The following TMEFF2 variants were observed in gnomAD, a reference collection of about 807,000 sequenced individuals.
TMEFF2 encodes the protein transmembrane protein with EGF like and two follistatin like domains 2.
A neutral mutation model predicts 53.8 loss-of-function variants in TMEFF2; 28 were observed. That is an observed-to-expected ratio of 0.52 (90% confidence interval 0.39 to 0.71). The LOEUF (loss-of-function observed/expected upper bound fraction) is 0.71. Ranked by LOEUF, TMEFF2 falls within the 30% of genes least tolerant of loss-of-function variation. TMEFF2 has a pLI of 0.00. For missense variants in TMEFF2, 353 were observed against 455.2 expected (o/e 0.78, Z 2.04); for synonymous variants, 162 against 166.3 (o/e 0.97, Z 0.20).
At chr2:192,033,108 C>T (rs147519282) in intron 5 of TMEFF2, among the ~76,000 whole-genome samples, 2 of 152,268 alleles carry the variant, frequency 1.3e-5, no homozygotes, top group Non-Finnish European at 2.9e-5. Context: ...TGCTAACATG[C>T]ATGGCCTATT....
At chr2:191,974,708 T>C (rs1692749902) in intron 7 of TMEFF2, among the ~76,000 whole-genome samples, 1 of 152,178 alleles carries the variant, frequency 6.6e-6, no homozygotes. Context: ...TTTCCAGCCA[T>C]GTCTATAAAA....
chr2:192,160,754 A>C (rs1214918540), intron 4 of TMEFF2, among the ~76,000 whole-genome samples: 2 of 152,212 alleles, frequency 1.3e-5, no homozygotes, highest in Admixed American at 1.3e-4. Flanking sequence ...ATATAAGATA[A>C]ATGGAAAAGG....
At chr2:191,991,555 C>T (rs1370683199) in intron 7 of TMEFF2, among the ~76,000 whole-genome samples, 1 of 152,050 alleles carries the variant, frequency 6.6e-6, no homozygotes, top group Non-Finnish European at 1.5e-5. Context: ...GAAACCGAGC[C>T]TTCAACTAAT....
chr2:192,076,460 A>G (rs75775045), intron 4 of TMEFF2, among the ~76,000 whole-genome samples: 11,957 of 152,208 alleles, frequency 0.079, 816 homozygotes, highest in African/African-American at 0.18. Flanking sequence ...TTTTAATTCA[A>G]TGATATAAAC....
At position 191,950,125 on chromosome 2, in the gene TMEFF2, C is replaced by A; in HGVS notation, c.*186G>T. 1 of 1,349,826 alleles carries A rather than the reference C, an allele frequency of 7.4e-7. No homozygotes were observed. The highest frequency in any genetic ancestry group is 9.5e-7 in the Non-Finnish European group (1 of 1,050,980). 83.6% of individuals were successfully genotyped at this position (1,349,826 alleles called of 1,614,324 possible). On this transcript the variant is annotated 3_prime_UTR_variant, in exon 10 of 10. Coordinates refer to ENST00000272771, the MANE Select transcript of TMEFF2 (RefSeq NM_016192.4). ...TTACATTACAGAAAAAACATCAAGA[C>A]AATGTATACTATTTCAAATATATCC...
At chr2:191,957,549 C>T (rs181873167) in intron 7 of TMEFF2, among the ~76,000 whole-genome samples, 26 of 152,214 alleles carry the variant, frequency 1.7e-4, no homozygotes, top group African/African-American at 4.6e-4. Context: ...CTGGTATTAG[C>T]GAATCAGACA....
intron 7 of TMEFF2, among the ~76,000 whole-genome samples, chr2:191,975,147 G>C (rs1685683434): frequency 1.3e-5 from 2 of 149,868 alleles, no homozygotes; most frequent in African/African-American, 4.9e-5. Context: ...AAATATATAG[G>C]AAATATAAAA....
intron 4 of TMEFF2, among the ~76,000 whole-genome samples, chr2:192,102,369 C>T (rs1043011703): frequency 1.3e-4 from 20 of 152,108 alleles, no homozygotes; most frequent in African/African-American, 4.8e-4. Context: ...CAGAATAAAA[C>T]ACAAAGTCTT....
intron 9 of TMEFF2, 118 bp from the exon 10 acceptor site, chr2:191,950,525 A>C: frequency 7.3e-7 from 1 of 1,371,308 alleles, no homozygotes; most frequent in Non-Finnish European, 1.0e-6. Flanking sequence ...AGATGAAAGA[A>C]TTTATCATTA....
chr2:192,184,700 A>G (rs1691269714), intron 2 of TMEFF2, among the ~76,000 whole-genome samples: 1 of 152,142 alleles, frequency 6.6e-6, no homozygotes, highest in Non-Finnish European at 1.5e-5. Flanking sequence ...GGGCAAAAAT[A>G]AGCATCTAAA....
At chr2:192,046,871 T>A (rs1448356096) in intron 5 of TMEFF2, among the ~76,000 whole-genome samples, 1 of 152,014 alleles carries the variant, frequency 6.6e-6, no homozygotes, top group African/African-American at 2.4e-5. Flanking sequence ...TATATTTGAA[T>A]ATCCTAAGTT....
chr2:192,109,024 A>G (rs1357529210), intron 4 of TMEFF2, among the ~76,000 whole-genome samples: 1 of 152,072 alleles, frequency 6.6e-6, no homozygotes, highest in East Asian at 1.9e-4. Context: ...AAAGGTTACT[A>G]GTAGAAAGTT....
intron 7 of TMEFF2, among the ~76,000 whole-genome samples, chr2:191,964,358 TTCTTTCTTTCTTTC>T (rs1315126909): frequency 1.1e-3 from 112 of 104,296 alleles, no homozygotes; most frequent in South Asian, 6.9e-3. Flanking sequence ...CTTTCTTTCT[TTCTTTCTTTCTTTC>T]TCTTTCTTTC....
intron 4 of TMEFF2, among the ~76,000 whole-genome samples, chr2:192,080,373 G>A (rs141072867): frequency 8.7e-4 from 132 of 152,298 alleles, no homozygotes; most frequent in African/African-American, 2.9e-3. Flanking sequence ...GGCTTATCCC[G>A]CTTTGCTGAG....
chr2:192,009,529 G>C (rs1187607876), intron 5 of TMEFF2, among the ~76,000 whole-genome samples: 4 of 151,928 alleles, frequency 2.6e-5, no homozygotes, highest in Admixed American at 2.6e-4. Context: ...TTCATAATTA[G>C]AACTGATACC....
At chr2:192,015,155 A>G (rs1385391469) in intron 5 of TMEFF2, among the ~76,000 whole-genome samples, 1 of 152,058 alleles carries the variant, frequency 6.6e-6, no homozygotes. Flanking sequence ...AACATTAGGG[A>G]TTGGGCTGTA....
At chr2:192,077,760 G>A (rs965696118) in intron 4 of TMEFF2, among the ~76,000 whole-genome samples, 1 of 151,738 alleles carries the variant, frequency 6.6e-6, no homozygotes, top group African/African-American at 2.4e-5. Flanking sequence ...GAACATATGT[G>A]TTCATATATA....
rs1690494776 is a variant in TMEFF2, at chr2:192,155,844, T to C, written c.439+23824A>G. On this transcript the variant is annotated intron_variant, in intron 4 of 9. Transcript: ENST00000272771. ...AGATGAGGCCTAACACTTGTTTTTA[T>C]AAGAAATTATCTAAGATTTTATGGT... Among the ~76,000 whole-genome samples the C allele has an allele frequency of 2.0e-5, 3 of 152,204 alleles. No individual in the cohort carries two copies. In the South Asian group the frequency reaches 6.2e-4, roughly 31 times the overall value.
intron 4 of TMEFF2, among the ~76,000 whole-genome samples, chr2:192,147,476 C>T: frequency 6.6e-6 from 1 of 151,738 alleles, no homozygotes; most frequent in Non-Finnish European, 1.5e-5. Flanking sequence ...GCTATCCCTC[C>T]CCACTCCCCC....
Sources: allele counts gnomAD v4.1 joint callset (sites outside exome capture counted in the v4.1 genomes callset), GRCh38; gene constraint gnomAD v4.1.1; transcripts MANE v1.5; gene names NCBI Gene and HGNC (gene_info 2026-07-23, HGNC 2026-07-21).